UNC93A: variants seen among roughly 807,000 people sequenced by gnomAD.
UNC93A encodes N-acetylglucosamine transporter UNC93A.
Under a neutral mutation model 47.5 loss-of-function variants are expected in UNC93A, and 43 were observed. The ratio of observed to expected loss-of-function variants is 0.91; its 90% CI spans 0.71 to 1.17. The LOEUF is 1.17. Ranked by LOEUF, UNC93A falls within the 50% of genes most tolerant of loss-of-function variation. The pLI, the probability that UNC93A is intolerant of heterozygous loss-of-function variation, is 0.00. For synonymous variants in UNC93A, 280 were observed against 258.0 expected (o/e 1.09, Z -0.82); for missense variants, 605 against 577.6 (o/e 1.05, Z -0.49).
At chr6:167,299,691 C>T (rs6922546) in intron 4 of UNC93A, among the ~76,000 whole-genome samples, 11,684 of 152,252 alleles carry the variant, frequency 0.077, 569 homozygotes, top group East Asian at 0.23. Flanking sequence ...GGAAAGCCTC[C>T]AAGGGCGGGT....
Position 167,300,327 on chromosome 6 carries a change from C to A in UNC93A, c.625+2257C>A, listed in dbSNP as rs543982468. On this transcript the variant is annotated intron_variant, in intron 4 of 7. Transcript: ENST00000230256. ...TATAGCTGGACCCCTGGTTCAGCAA[C>A]ACTGAGGGCCAGGCAGACAACTGGA... Among the ~76,000 whole-genome samples the A allele has an allele frequency of 3.3e-5, 5 of 152,258 alleles. No individual in the cohort carries two copies. The East Asian group carries it at 9.6e-4, about 29-fold the overall frequency.
upstream of UNC93A, among the ~76,000 whole-genome samples, chr6:167,270,611 G>A (rs1051739445): frequency 8.5e-5 from 13 of 152,290 alleles, no homozygotes; most frequent in East Asian, 9.6e-4. Flanking sequence ...CTGTGAACGA[G>A]CCCTCACTTG....
In UNC93A at chr6:167,275,387, C is replaced by T. The variant is rs947430529; in HGVS notation, c.-52+3929C>T. On this transcript the variant is annotated intron_variant, in intron 1 of 3. Transcript: ENST00000503433. ...CAGGTCAGTCCTCTTCACACCCTTC[C>T]GTTTCCCTAATGATTCCCCAGGTTG... 3.3e-5 allele frequency among the ~76,000 whole-genome samples: 5 copies of T among 152,208 alleles called. No individual in the cohort carries two copies. The South Asian group carries it at 6.2e-4, about 19-fold the overall frequency.
intron 7 of UNC93A, among the ~76,000 whole-genome samples, chr6:167,308,874 G>A (rs976767418): frequency 2.0e-4 from 30 of 152,124 alleles, no homozygotes; most frequent in Admixed American, 1.2e-3. Context: ...GCTGGTTGTC[G>A]GATAGAAGGT....
intron 1 of UNC93A, among the ~76,000 whole-genome samples, chr6:167,279,320 T>C (rs898510807): frequency 6.6e-6 from 1 of 152,202 alleles, no homozygotes; most frequent in Non-Finnish European, 1.5e-5. Flanking sequence ...ACTGGCTTCT[T>C]CACCCTGTAA....
rs902107309 is a variant in UNC93A at position 167,295,427 on chromosome 6, G to C, written c.270-605G>C. 6.5e-5 allele frequency among the ~76,000 whole-genome samples: 9 copies of C among 138,458 alleles called. 1 individual carries two copies. The highest frequency in any genetic ancestry group is 2.8e-4 in the African/African-American group (9 of 31,876). The allele number at this position is 138,458 out of a possible 152,430, so 90.8% of individuals were successfully genotyped here. A position where few individuals can be genotyped will look rare whatever the true frequency, so the allele number is the denominator to read the frequency against. ...CCCTCGTGCTCCTCGCCTCCCTCGT[G>C]ATCCTCGGCCTCCCTCGTGCTCCTC... On this transcript the variant is annotated intron_variant, in intron 2 of 7. Coordinates refer to ENST00000230256, the MANE Select transcript of UNC93A (RefSeq NM_018974.4).
chr6:167,278,468 A>T (rs1272448785), intron 1 of UNC93A, among the ~76,000 whole-genome samples: 3 of 152,208 alleles, frequency 2.0e-5, no homozygotes, highest in Admixed American at 1.3e-4. Context: ...TGCTGGGATC[A>T]TGAGGACCCA....
intron 1 of UNC93A, among the ~76,000 whole-genome samples, chr6:167,272,901 T>C (rs770065833): frequency 2.6e-5 from 4 of 152,140 alleles, no homozygotes; most frequent in Non-Finnish European, 4.4e-5. Flanking sequence ...TGCTGTAGGA[T>C]ATAATGAGGT....
At chr6:167,273,021 TTG>T (rs34648297) in intron 1 of UNC93A, among the ~76,000 whole-genome samples, 55,224 of 151,706 alleles carry the variant, frequency 0.36, 10,241 homozygotes, top group South Asian at 0.42. Flanking sequence ...GGCCATAGAA[TTG>T]TATTTTTGGT....
intron 1 of UNC93A, among the ~76,000 whole-genome samples, chr6:167,274,365 G>A (rs560845318): frequency 2.0e-5 from 3 of 152,164 alleles, no homozygotes; most frequent in Non-Finnish European, 2.9e-5. Context: ...CGTATTCCAC[G>A]TTCGGTCCGT....
At chr6:167,279,975 C>T (rs749463071) in intron 1 of UNC93A, among the ~76,000 whole-genome samples, 4 of 152,212 alleles carry the variant, frequency 2.6e-5, no homozygotes, top group Non-Finnish European at 4.4e-5. Flanking sequence ...ATCCACCATT[C>T]ACTGTGAGAT....
chr6:167,290,287 T>C (rs1305847493), upstream of UNC93A, among the ~76,000 whole-genome samples: 1 of 152,230 alleles, frequency 6.6e-6, no homozygotes, highest in African/African-American at 2.4e-5. Flanking sequence ...CATAAAACTT[T>C]CATTTTCACT....
chr6:167,281,544 G>T (rs1365731616), intron 1 of UNC93A, among the ~76,000 whole-genome samples: 1 of 152,152 alleles, frequency 6.6e-6, no homozygotes, highest in African/African-American at 2.4e-5. Flanking sequence ...TGCACGTGGG[G>T]AGGAGAGAGT....
chr6:167,304,218 TG>T, intron 5 of UNC93A, 85 bp downstream of exon 5: 2 of 1,468,646 alleles, frequency 1.4e-6, no homozygotes, highest in South Asian at 2.4e-5. Context: ...GACCGCAGAG[TG>T]TCTCAGGCCA....
chr6:167,306,289 AG>A lies in UNC93A; in HGVS notation c.976+240del, dbSNP rs1427646951. On this transcript the variant is annotated intron_variant, in intron 6 of 7. Transcript: ENST00000230256. ...GTGCTCGGCATGAGGCCACACAGCA[AG>A]TGCCTGCTCCGAGTGGGCACTCGGT... Among the ~76,000 whole-genome samples the A allele has an allele frequency of 4.6e-5, 7 of 152,190 alleles. No individual in the cohort carries two copies. In the South Asian group the frequency reaches 6.2e-4, roughly 13 times the overall value.
chr6:167,290,092 G>C (rs1351860807), upstream of UNC93A, among the ~76,000 whole-genome samples: 1 of 152,128 alleles, frequency 6.6e-6, no homozygotes, highest in Non-Finnish European at 1.5e-5. Context: ...TTTTTAAAGA[G>C]GAAACAGGTT....
chr6:167,315,296 C>T lies in UNC93A; in HGVS notation c.1218C>T (p.Cys406=), dbSNP rs112580447. The part of the protein sequence containing the change: ...VIAFGYSMFL[C]VHVKLYILLG... ...CCTTCGGGTACAGCATGTTTTTGTG[C>T]GTGCACGTCAAGCTCTACATTCTGC... Residue 406 remains cysteine, a synonymous_variant, in exon 8 of 8, where the codon TGC becomes TGT. Transcript: ENST00000230256. 4.4e-5 allele frequency: 71 copies of T among 1,613,474 alleles called. No individual in the cohort carries two copies. The highest frequency in any genetic ancestry group is 1.3e-4 in the African/African-American group (10 of 74,934).
At chr6:167,299,490 T>G (rs1778181903) in intron 4 of UNC93A, among the ~76,000 whole-genome samples, 1 of 152,212 alleles carries the variant, frequency 6.6e-6, no homozygotes. Context: ...CAAAGTGTAC[T>G]GAGCACGTGC....
chr6:167,307,603 G>A (rs981701990), intron 6 of UNC93A, among the ~76,000 whole-genome samples, 176 bp from the exon 7 acceptor site: 2 of 151,782 alleles, frequency 1.3e-5, no homozygotes, highest in African/African-American at 4.8e-5. Context: ...TGGTTGAGAT[G>A]GTTCCAGAGG....
Sources: allele counts gnomAD v4.1 joint callset (sites outside exome capture counted in the v4.1 genomes callset), GRCh38; gene constraint gnomAD v4.1.1; transcripts MANE v1.5; gene names NCBI Gene and HGNC (gene_info 2026-07-23, HGNC 2026-07-21).